The following GAREM1 variants were observed in gnomAD, a reference collection of about 807,000 sequenced individuals.
GAREM1 encodes the protein GRB2 associated regulator of MAPK1 subtype 1, also known as GRB2-associated and regulator of MAPK protein 1.
A neutral mutation model predicts 71.3 loss-of-function variants in GAREM1; 26 were observed. The ratio of observed to expected loss-of-function variants is 0.36; its 90% CI spans 0.27 to 0.51. The LOEUF (loss-of-function observed/expected upper bound fraction) is 0.51, where lower values mean the gene tolerates loss of function less well. Among genes scored for constraint, GAREM1 ranks in the 20% least tolerant of loss-of-function variants. The pLI is 0.95. For missense variants in GAREM1, 1,026 were observed against 1,103.1 expected, an observed-to-expected ratio of 0.93 and a Z score of 0.99; for synonymous variants, 440 against 433.2, an observed-to-expected ratio of 1.02 and a Z score of -0.20.
chr18:32,421,601 T>C (rs1461813930), intron 1 of GAREM1, among the ~76,000 whole-genome samples: 1 of 152,096 alleles, frequency 6.6e-6, no homozygotes, highest in Non-Finnish European at 1.5e-5. Context: ...TGGTAACGTA[T>C]ATCAGAAGGC....
intron 2 of GAREM1, among the ~76,000 whole-genome samples, chr18:32,321,937 T>C (rs1420196913): frequency 1.3e-5 from 2 of 152,194 alleles, no homozygotes; most frequent in African/African-American, 2.4e-5. Flanking sequence ...ATGGAACTAT[T>C]GGTCATGAAG....
At chr18:32,291,594 C>T (rs2047087977) in intron 3 of GAREM1, among the ~76,000 whole-genome samples, 1 of 152,158 alleles carries the variant, frequency 6.6e-6, no homozygotes, top group Non-Finnish European at 1.5e-5. Context: ...CAGTACCCAT[C>T]AAACCATCAT....
intron 2 of GAREM1, among the ~76,000 whole-genome samples, chr18:32,363,418 T>A (rs187169604): frequency 2.0e-5 from 3 of 152,316 alleles, no homozygotes; most frequent in African/African-American, 7.2e-5. Flanking sequence ...TAGTTAACTA[T>A]CCTGCTTAAA....
intron 1 of GAREM1, among the ~76,000 whole-genome samples, chr18:32,404,382 TC>T (rs969941789): frequency 2.6e-5 from 4 of 152,044 alleles, no homozygotes; most frequent in Non-Finnish European, 5.9e-5. Context: ...TTGGGATGAA[TC>T]CAGAGAACAA....
chr18:32,340,928 C>G (rs930129390), intron 2 of GAREM1, among the ~76,000 whole-genome samples: 1 of 152,082 alleles, frequency 6.6e-6, no homozygotes, highest in Admixed American at 6.5e-5. Flanking sequence ...TTGGGTTTCT[C>G]TGTGCTTAAA....
intron 1 of GAREM1, among the ~76,000 whole-genome samples, chr18:32,406,164 A>T (rs2048363674): frequency 6.6e-6 from 1 of 152,132 alleles, no homozygotes; most frequent in East Asian, 1.9e-4. Flanking sequence ...ATAATTAAAC[A>T]CTATTTAATT....
At chr18:32,418,339 C>T (rs1054713000) in intron 1 of GAREM1, among the ~76,000 whole-genome samples, 5 of 152,184 alleles carry the variant, frequency 3.3e-5, no homozygotes, top group Non-Finnish European at 5.9e-5. Flanking sequence ...CCAAAGTCAA[C>T]GGCTCCTGGT....
In GAREM1 at chr18:32,344,334, T is replaced by C. The variant is rs143928431; in HGVS notation, c.263-34011A>G. ...CAGGAGCTTTCAAAGTTTCTCAAAA[T>C]TGGGGCAATGCTGACCAGTAACTTT... On this transcript the variant is annotated intron_variant, in intron 2 of 5. Coordinates refer to ENST00000269209, the MANE Select transcript of GAREM1 (RefSeq NM_001242409.2). Among the ~76,000 whole-genome samples, 9 of 152,280 alleles carry C rather than the reference T, an allele frequency of 5.9e-5. No individual in the cohort carries two copies. In the East Asian group the frequency reaches 1.4e-3, roughly 23 times the overall value.
intron 1 of GAREM1, among the ~76,000 whole-genome samples, chr18:32,398,472 T>G (rs559484291): frequency 6.6e-6 from 1 of 152,166 alleles, no homozygotes; most frequent in African/African-American, 2.4e-5. Flanking sequence ...CAATAAAAAA[T>G]GATAAAGGGG....
chr18:32,410,011 T>C (rs1030495113), intron 1 of GAREM1, among the ~76,000 whole-genome samples: 1 of 152,228 alleles, frequency 6.6e-6, no homozygotes, highest in Non-Finnish European at 1.5e-5. Flanking sequence ...TCCTCCACTG[T>C]TGGACAGGTC....
intron 2 of GAREM1, among the ~76,000 whole-genome samples, chr18:32,374,520 T>C (rs562539127): frequency 1.8e-4 from 27 of 152,322 alleles, no homozygotes; most frequent in Admixed American, 3.3e-4. Context: ...CAAAACAATA[T>C]AGCTCCAACA....
chr18:32,306,847 T>C (rs749167941), intron 3 of GAREM1, among the ~76,000 whole-genome samples: 1 of 152,292 alleles, frequency 6.6e-6, no homozygotes, highest in South Asian at 2.1e-4. Context: ...GCTGGGCATA[T>C]AGTAAGTGCT....
chr18:32,271,385 G>A (rs1474916110), intron 4 of GAREM1, among the ~76,000 whole-genome samples: 1 of 152,064 alleles, frequency 6.6e-6, no homozygotes, highest in Non-Finnish European at 1.5e-5. Flanking sequence ...TAGAGTCGGG[G>A]TTTGACGATG....
In GAREM1 at chr18:32,342,104, G is replaced by C. The variant is rs188086882; in HGVS notation, c.263-31781C>G. ...AATTATTGCTATTTACTTAAAGCCT[G>C]CTACATACCAGGCATTGCATAATCA... is the stretch of plus-strand genomic sequence containing the variant. On this transcript the variant is annotated intron_variant, in intron 2 of 5. Coordinates refer to ENST00000269209, the MANE Select transcript of GAREM1 (RefSeq NM_001242409.2). 9.2e-5 allele frequency among the ~76,000 whole-genome samples: 14 copies of C among 152,288 alleles called. No individual in the cohort carries two copies. In the East Asian group the frequency reaches 2.7e-3, roughly 29 times the overall value.
intron 1 of GAREM1, among the ~76,000 whole-genome samples, chr18:32,459,650 T>A (rs547472924): frequency 5.3e-5 from 8 of 152,262 alleles, no homozygotes; most frequent in African/African-American, 1.9e-4. Flanking sequence ...ATTTTGTGGG[T>A]CAGCGGTCAA....
At chr18:32,436,521 C>G (rs2048680618) in intron 1 of GAREM1, among the ~76,000 whole-genome samples, 1 of 152,160 alleles carries the variant, frequency 6.6e-6, no homozygotes, top group Non-Finnish European at 1.5e-5. Context: ...TAGAAGCCAG[C>G]CCTCTGTCTG....
chr18:32,277,425 G>A (rs1184128232), intron 4 of GAREM1, among the ~76,000 whole-genome samples: 11 of 152,148 alleles, frequency 7.2e-5, no homozygotes, highest in Non-Finnish European at 1.3e-4. Flanking sequence ...CCTCTGTCAT[G>A]CCATCACTGG....
intron 2 of GAREM1, among the ~76,000 whole-genome samples, chr18:32,369,600 A>G (rs1213962493): frequency 6.6e-6 from 1 of 152,202 alleles, no homozygotes; most frequent in Non-Finnish European, 1.5e-5. Context: ...TGACAATTTT[A>G]TGGTTGCTAA....
At chr18:32,333,852 G>A (rs2047561978) in intron 2 of GAREM1, among the ~76,000 whole-genome samples, 1 of 152,150 alleles carries the variant, frequency 6.6e-6, no homozygotes, top group Non-Finnish European at 1.5e-5. Flanking sequence ...ATGGGAGCAG[G>A]AGCAGCTGTG....
Sources: gnomAD v4.1 joint callset for allele counts (sites outside exome capture counted in the v4.1 genomes callset) on GRCh38, gnomAD v4.1.1 for gene constraint, MANE v1.5 for transcripts, NCBI Gene and HGNC (gene_info 2026-07-23, HGNC 2026-07-21) for gene names.